Variants in SLC9C1 observed in about 807,000 individuals in gnomAD.
The protein encoded by SLC9C1 is sodium/hydrogen exchanger 10.
In SLC9C1, 97 loss-of-function variants were observed where a neutral mutation model predicts 140.9. That is an observed-to-expected ratio of 0.69 (90% CI 0.58 to 0.82). The LOEUF (loss-of-function observed/expected upper bound fraction) is 0.82, where lower values mean the gene tolerates loss of function less well. Among genes scored for constraint, SLC9C1 ranks in the 40% least tolerant of loss-of-function variants. The probability of loss-of-function intolerance (pLI) is 0.00; values close to 1 mark genes in which losing one functional copy is unlikely to be tolerated. For synonymous variants in SLC9C1, 440 were observed against 442.6 expected (o/e 0.99, Z 0.07); for missense variants, 1,340 against 1,389.3 (o/e 0.96, Z 0.56).
intron 26 of SLC9C1, among the ~76,000 whole-genome samples, chr3:112,157,769 T>A (rs2075169511): frequency 6.6e-6 from 1 of 151,908 alleles, no homozygotes; most frequent in South Asian, 2.1e-4. Context: ...AGGTATTTTT[T>A]TTTTTGTAGC....
chr3:112,168,364 CACAA>C (rs763432950), intron 25 of SLC9C1, among the ~76,000 whole-genome samples: 1 of 97,640 alleles, frequency 1.0e-5, no homozygotes, highest in African/African-American at 4.3e-5. Context: ...CACACACACA[CACAA>C]CTTCTTTCCT....
At chr3:112,167,161 T>C in intron 26 of SLC9C1, 60 bp downstream of exon 26, 2 of 1,576,154 alleles carry the variant, frequency 1.3e-6, no homozygotes, top group Non-Finnish European at 1.7e-6. Context: ...CAAATACACA[T>C]ATGGCTATTT....
At chr3:112,210,722 A>G (rs2078178485) in intron 15 of SLC9C1, among the ~76,000 whole-genome samples, 1 of 152,196 alleles carries the variant, frequency 6.6e-6, no homozygotes, top group South Asian at 2.1e-4. Context: ...GTATGTACAT[A>G]AGAAATTTAG....
At chr3:112,215,622 G>C (rs4682368) in intron 15 of SLC9C1, among the ~76,000 whole-genome samples, 5 of 151,802 alleles carry the variant, frequency 3.3e-5, no homozygotes, top group Non-Finnish European at 5.9e-5. Flanking sequence ...CAAAGAGAAT[G>C]AAATACCTAG....
chr3:112,219,670 C>T (rs906031797), intron 14 of SLC9C1, among the ~76,000 whole-genome samples: 3 of 152,118 alleles, frequency 2.0e-5, no homozygotes, highest in African/African-American at 4.8e-5. Context: ...CCTCTGCCTT[C>T]GGGGTTCAAG....
At chr3:112,254,062 A>G (rs2079537714) in intron 10 of SLC9C1, among the ~76,000 whole-genome samples, 1 of 152,230 alleles carries the variant, frequency 6.6e-6, no homozygotes, top group South Asian at 2.1e-4. Flanking sequence ...AAAAGTTTAA[A>G]CAAAACTTCT....
intron 20 of SLC9C1, chr3:112,185,897 C>A: frequency 6.3e-7 from 1 of 1,584,072 alleles, no homozygotes; most frequent in Non-Finnish European, 8.5e-7. Context: ...GGCTCTCAGC[C>A]ACCACCACGT....
intron 23 of SLC9C1, among the ~76,000 whole-genome samples, chr3:112,178,795 A>T (rs1424074043): frequency 6.6e-6 from 1 of 152,108 alleles, no homozygotes; most frequent in East Asian, 1.9e-4. Context: ...TGTTTCCTAG[A>T]TCTATTATTT....
chr3:112,241,770 A>C (rs992430051), intron 11 of SLC9C1, among the ~76,000 whole-genome samples: 4 of 152,206 alleles, frequency 2.6e-5, no homozygotes, highest in Non-Finnish European at 5.9e-5. Flanking sequence ...AATGGGACAG[A>C]ATAGAGAACC....
intron 20 of SLC9C1, 40 bp downstream of exon 20, chr3:112,199,281 A>G (rs748074535): frequency 4.1e-6 from 6 of 1,461,736 alleles, no homozygotes; most frequent in Non-Finnish European, 5.5e-6. Flanking sequence ...ATGATTATGT[A>G]TCAAGTAAAT....
chr3:112,217,388 A>G (rs2078410081), intron 15 of SLC9C1, 54 bp downstream of exon 15: 1 of 1,502,230 alleles, frequency 6.7e-7, no homozygotes, highest in Non-Finnish European at 8.9e-7. Context: ...AAGAAAAAAC[A>G]GGGAATTTCA....
At chr3:112,202,474 A>T in intron 17 of SLC9C1, 75 bp from the exon 18 acceptor site, 1 of 1,382,788 alleles carries the variant, frequency 7.2e-7, no homozygotes, top group Non-Finnish European at 9.7e-7. Flanking sequence ...GTTTAATCAA[A>T]ATAGTTAATA....
At chr3:112,228,429 C>T (rs912816149) in intron 13 of SLC9C1, among the ~76,000 whole-genome samples, 1 of 151,922 alleles carries the variant, frequency 6.6e-6, no homozygotes, top group Non-Finnish European at 1.5e-5. Flanking sequence ...TATGAAACCA[C>T]TAGAAGAAAA....
At chr3:112,261,246 T>G (rs1710144709) in intron 10 of SLC9C1, among the ~76,000 whole-genome samples, 1 of 152,110 alleles carries the variant, frequency 6.6e-6, no homozygotes, top group African/African-American at 2.4e-5. Flanking sequence ...TAGTAAAGAC[T>G]AGAATTCCAC....
chr3:112,201,682 T>G (rs2077909663), intron 18 of SLC9C1, among the ~76,000 whole-genome samples: 2 of 152,054 alleles, frequency 1.3e-5, no homozygotes. Context: ...TATGGAACTT[T>G]GGGCACAATC....
chr3:112,249,020 T>C (rs2079372291), intron 10 of SLC9C1, among the ~76,000 whole-genome samples: 2 of 152,142 alleles, frequency 1.3e-5, no homozygotes, highest in Admixed American at 1.3e-4. Context: ...CATCCTTGTT[T>C]TGTTCCAGCT....
At position 112,171,221 on chromosome 3, in the gene SLC9C1, A is replaced by AAAAAG. The variant is rs540877319; in HGVS notation, c.2920-1898_2920-1894dup. Among the ~76,000 whole-genome samples, 111 of 152,224 alleles carry AAAAAG rather than the reference A, an allele frequency of 7.3e-4. No homozygotes were observed. In the Middle Eastern group the frequency reaches 0.01, roughly 14 times the overall value. On this transcript the variant is annotated intron_variant, in intron 23 of 28. Transcript: ENST00000305815. ...ACAGAGTGAGACTCTGTCAGAAAAA[A>AAAAAG]AAAAGAAAAGAAAAGAAAAGAAAAT...
Position 112,263,093 on chromosome 3 carries a change from A to T in SLC9C1, c.1028T>A (p.Leu343Gln), listed in dbSNP as rs1174439983. 6.4e-7 allele frequency: 1 copy of T among 1,566,206 alleles called. No individual in the cohort carries two copies. Among genetic ancestry groups the T allele is most frequent in the Non-Finnish European group, 8.6e-7 (1 of 1,164,270 alleles). Reference sequence around the variant, plus strand: ...AACAGGGCTTATTAAAAGAAGGGTCAGAAATCTAAAAGACAAAACAATTTT... The same window carrying T: ...AACAGGGCTTATTAAAAGAAGGGTCTGAAATCTAAAAGACAAAACAATTTT... ...IYLTLIVLRFLTLLLISPVLS... is the reference protein window; with the variant it reads ...IYLTLIVLRFQTLLLISPVLS... Residue 343 changes from leucine (L) to glutamine (Q), a missense_variant, in exon 10 of 29, where the codon CTG (leucine) becomes CAG (glutamine). By Grantham distance (113) the Leu-to-Gln change is moderately radical. Transcript: ENST00000305815.
intron 7 of SLC9C1, among the ~76,000 whole-genome samples, chr3:112,269,465 T>A (rs2080012117): frequency 6.6e-6 from 1 of 152,218 alleles, no homozygotes; most frequent in South Asian, 2.1e-4. Flanking sequence ...TTGAACAATG[T>A]TTGAAATTTT....
Sources: allele counts gnomAD v4.1 joint callset (sites outside exome capture counted in the v4.1 genomes callset), GRCh38; gene constraint gnomAD v4.1.1; transcripts MANE v1.5; gene names NCBI Gene and HGNC (gene_info 2026-07-23, HGNC 2026-07-21).